The following MAST2 variants were observed in gnomAD, a reference collection of about 807,000 sequenced individuals.
MAST2 encodes microtubule associated serine/threonine kinase 2.
MAST2 carries 70 observed loss-of-function variants against 147.4 expected under a neutral mutation model. The ratio of observed to expected loss-of-function variants is 0.47; its 90% CI spans 0.39 to 0.58. The LOEUF is 0.58. Ranked by LOEUF, MAST2 falls within the 20% of genes least tolerant of loss-of-function variation. MAST2 has a pLI of 0.00. For synonymous variants in MAST2, 869 were observed against 896.8 expected (o/e 0.97, Z 0.55); for missense variants, 2,080 against 2,302.3 (o/e 0.90, Z 1.98).
chr1:45,908,422 G>A (rs911576273), intron 4 of MAST2, among the ~76,000 whole-genome samples: 1 of 152,098 alleles, frequency 6.6e-6, no homozygotes, highest in African/African-American at 2.4e-5. Flanking sequence ...AGCATTTAAA[G>A]CTATATATGT....
At chr1:45,832,779 C>G (rs1644998225) in intron 3 of MAST2, among the ~76,000 whole-genome samples, 1 of 151,746 alleles carries the variant, frequency 6.6e-6, no homozygotes, top group Non-Finnish European at 1.5e-5. Flanking sequence ...TTTAAATTAA[C>G]AGTTTATTGA....
At chr1:45,921,812 C>T (rs996427311) in intron 4 of MAST2, among the ~76,000 whole-genome samples, 6 of 151,342 alleles carry the variant, frequency 4.0e-5, no homozygotes, top group South Asian at 2.1e-4. Context: ...TCCTTCTTGT[C>T]GCCCACAATG....
chr1:45,887,653 TG>T (rs1250333359), intron 4 of MAST2, among the ~76,000 whole-genome samples: 1 of 152,204 alleles, frequency 6.6e-6, no homozygotes, highest in African/African-American at 2.4e-5. Flanking sequence ...ACTTGATGCC[TG>T]GATCAATGCT....
intron 10 of MAST2, among the ~76,000 whole-genome samples, chr1:46,016,366 A>C (rs1645939896): frequency 6.6e-6 from 1 of 152,032 alleles, no homozygotes; most frequent in Non-Finnish European, 1.5e-5. Flanking sequence ...AAGGGTATTC[A>C]ATTAGGAAAA....
intron 5 of MAST2, among the ~76,000 whole-genome samples, chr1:45,964,826 G>C (rs1050996062): frequency 6.6e-6 from 1 of 152,038 alleles, no homozygotes; most frequent in African/African-American, 2.4e-5. Context: ...GTCAACTTTA[G>C]ATCTTTCCTG....
At chr1:45,884,387 A>G (rs1465120503) in intron 4 of MAST2, among the ~76,000 whole-genome samples, 1 of 152,064 alleles carries the variant, frequency 6.6e-6, no homozygotes, top group East Asian at 1.9e-4. Flanking sequence ...GTCTCTACTA[A>G]AAATAAAAAT....
At chr1:45,823,621 A>G (rs1644703855) in intron 1 of MAST2, among the ~76,000 whole-genome samples, 1 of 152,146 alleles carries the variant, frequency 6.6e-6, no homozygotes, top group Non-Finnish European at 1.5e-5. Flanking sequence ...GGTGTGAGCT[A>G]CTGTACCCGG....
In MAST2 at chr1:46,034,744, C is replaced by T; in HGVS notation, c.4075C>T (p.Pro1359Ser). 6.2e-7 allele frequency: 1 copy of T among 1,613,934 alleles called. No individual in the cohort carries two copies. Among genetic ancestry groups the T allele is most frequent in the East Asian group, 2.2e-5 (1 of 44,880 alleles). Residue 1359 changes from proline to serine, a missense_variant, in exon 29 of 29, where the codon CCT becomes TCT. This residue lies in a region of MAST2 where 1,278 missense variants were observed against 1,304.2 expected (regional missense o/e 0.98). Coordinates refer to ENST00000361297, the MANE Select transcript of MAST2 (RefSeq NM_015112.3). ...TTCTCCCCCACCCCCAACAGCTTCA[C>T]CTCAGCGGTCCCCATCGCCCCTGTC... ...TPSPPPPTAS[P>S]QRSPSPLSGH... is the part of the protein sequence containing the mutation.
chr1:45,988,136 C>T (rs2149100600), intron 5 of MAST2, among the ~76,000 whole-genome samples: 1 of 152,190 alleles, frequency 6.6e-6, no homozygotes, highest in South Asian at 2.1e-4. Flanking sequence ...CCTCATCCTC[C>T]TAAGTAGCTG....
rs59944185 is a variant in MAST2, at chr1:45,883,912, G to GCCTCC, written c.500+1519_500+1520insTCCCC. On this transcript the variant is annotated intron_variant, in intron 4 of 28. Transcript: ENST00000361297. The stretch of plus-strand genomic sequence containing the variant: ...ACTTGGTCATTTTTCTACTATTTCT[G>GCCTCC]CCCCCCCCGCTTTTTTTTGGTTGCT... 0.034 allele frequency among the ~76,000 whole-genome samples: 85 copies of GCCTCC among 2,492 alleles called. 39 individuals are homozygous for GCCTCC. In the East Asian group the frequency reaches 0.39, roughly 11 times the overall value. The allele number at this position is 2,492 out of a possible 152,430, so 1.6% of individuals were successfully genotyped here. A position where few individuals can be genotyped will look rare whatever the true frequency, so the allele number is the denominator to read the frequency against.
At chr1:45,929,099 AGTG>A (rs1400070304) in intron 4 of MAST2, among the ~76,000 whole-genome samples, 3 of 152,068 alleles carry the variant, frequency 2.0e-5, no homozygotes, top group Non-Finnish European at 4.4e-5. Context: ...TTTTGTTAGT[AGTG>A]GCCATTGATA....
intron 10 of MAST2, among the ~76,000 whole-genome samples, chr1:46,014,012 T>A (rs1645825411): frequency 6.6e-6 from 1 of 152,178 alleles, no homozygotes; most frequent in Non-Finnish European, 1.5e-5. Context: ...TTTAAAATAA[T>A]TTGTAAGCAA....
intron 7 of MAST2, among the ~76,000 whole-genome samples, chr1:46,004,313 G>A (rs894749564): frequency 6.9e-5 from 10 of 144,170 alleles, no homozygotes; most frequent in African/African-American, 2.1e-4. Context: ...GCCATGAGCC[G>A]AGATCACACC....
At chr1:45,805,198 A>G (rs1352367918) in intron 1 of MAST2, among the ~76,000 whole-genome samples, 1 of 152,020 alleles carries the variant, frequency 6.6e-6, no homozygotes, top group Non-Finnish European at 1.5e-5. Flanking sequence ...ACAGGTGCCT[A>G]CCACCATGTC....
intron 3 of MAST2, among the ~76,000 whole-genome samples, chr1:45,841,583 C>T (rs890174895): frequency 6.6e-6 from 1 of 152,048 alleles, no homozygotes; most frequent in Non-Finnish European, 1.5e-5. Context: ...GACAGGATTT[C>T]GCCATGTTGT....
At chr1:45,867,910 T>C (rs1274869654) in intron 3 of MAST2, among the ~76,000 whole-genome samples, 1 of 152,242 alleles carries the variant, frequency 6.6e-6, no homozygotes, top group African/African-American at 2.4e-5. Flanking sequence ...CTGGTGTATT[T>C]GCTCAGCTTC....
chr1:45,866,681 G>C (rs1236750834), intron 3 of MAST2, among the ~76,000 whole-genome samples: 1 of 151,882 alleles, frequency 6.6e-6, no homozygotes, highest in African/African-American at 2.4e-5. Flanking sequence ...AGATTACATA[G>C]CACTGGAAGA....
At chr1:46,002,738 A>C (rs562312180) in intron 6 of MAST2, 67 bp from the exon 7 acceptor site, 3 of 1,413,810 alleles carry the variant, frequency 2.1e-6, no homozygotes, top group Non-Finnish European at 3.0e-6. Context: ...GCTGATGAAC[A>C]GACAGGCAGG....
At chr1:46,026,632 G>C (rs1037835559) in intron 16 of MAST2, among the ~76,000 whole-genome samples, 1 of 152,090 alleles carries the variant, frequency 6.6e-6, no homozygotes, top group Non-Finnish European at 1.5e-5. Context: ...GCCTGCAGCA[G>C]AACAGGGAGT....
Sources: allele counts gnomAD v4.1 joint callset (sites outside exome capture counted in the v4.1 genomes callset), GRCh38; gene constraint gnomAD v4.1.1; regional missense constraint gnomAD v4.1.1; transcripts MANE v1.5; gene names NCBI Gene and HGNC (gene_info 2026-07-23, HGNC 2026-07-21).